Variants in CHMP3 observed in about 807,000 individuals in gnomAD.
The protein encoded by CHMP3 is 25.1 protein.
In CHMP3, 8 loss-of-function variants were observed where a neutral mutation model predicts 27.4. That is an observed-to-expected ratio of 0.29 (90% confidence interval 0.17 to 0.53). The LOEUF is 0.53. Ranked by LOEUF, CHMP3 falls within the 20% of genes least tolerant of loss-of-function variation. The pLI is 0.96. For missense variants in CHMP3, 208 were observed against 271.5 expected, an observed-to-expected ratio of 0.77 and a Z score of 1.64; for synonymous variants, 86 against 85.5, an observed-to-expected ratio of 1.01 and a Z score of -0.03.
rs190096882 is a variant in CHMP3, at chr2:86,549,566, C to T, written c.46-7254G>A. 7.2e-4 allele frequency among the ~76,000 whole-genome samples: 105 copies of T among 144,944 alleles called. 3 individuals carry two copies. In the East Asian group the frequency reaches 0.02, roughly 28 times the overall value. Reference sequence around the variant, plus strand: ...GCTCCTCACTTCCCAGATGGGGTTGCAGTCAGGCAGAGACGCCCCTCCCCT... The same window carrying T: ...GCTCCTCACTTCCCAGATGGGGTTGTAGTCAGGCAGAGACGCCCCTCCCCT... On this transcript the variant is annotated intron_variant, in intron 1 of 5. Transcript: ENST00000263856.
rs1480733374 is a variant in CHMP3, at chr2:86,542,212, C to G, written c.106+40G>C. On this transcript the variant is annotated intron_variant, in intron 2 of 5. Coordinates refer to ENST00000263856, the MANE Select transcript of CHMP3 (RefSeq NM_016079.4). ...TTTTATGAACTGAAGCAAAATATAC[C>G]AAGAGGGTGAAAAATAGAAGACATA... 6 of 1,602,496 alleles carry G rather than the reference C, an allele frequency of 3.7e-6. No homozygotes were observed. In the African/African-American group the frequency reaches 8.1e-5, roughly 22 times the overall value.
rs990384026 is a variant in CHMP3, at chr2:86,539,791, T to C, written c.106+2461A>G. The stretch of plus-strand genomic sequence containing the variant: ...AAAAAATAATTTATATTTACTTACA[T>C]ATTTACCATTTCCAGCATGCTTTAT... On this transcript the variant is annotated intron_variant, in intron 2 of 5. Coordinates refer to ENST00000263856, the MANE Select transcript of CHMP3 (RefSeq NM_016079.4). Among the ~76,000 whole-genome samples, 3 of 152,118 alleles carry C rather than the reference T, an allele frequency of 2.0e-5. No individual in the cohort carries two copies. The South Asian group carries it at 6.2e-4, about 31-fold the overall frequency.
At chr2:86,551,397 T>C (rs1315975365) in intron 1 of CHMP3, among the ~76,000 whole-genome samples, 4 of 151,854 alleles carry the variant, frequency 2.6e-5, no homozygotes, top group African/African-American at 7.3e-5. Context: ...GCTGGGACTA[T>C]AGATGCCTGC....
Position 86,537,197 on chromosome 2 carries a change from A to C in CHMP3, c.106+5055T>G, listed in dbSNP as rs191434478. Among the ~76,000 whole-genome samples, 539 of 152,158 alleles carry C rather than the reference A, an allele frequency of 3.5e-3. 4 individuals are homozygous for C. Among genetic ancestry groups the C allele is most frequent in the African/African-American group, 0.012 (514 of 41,518 alleles). Reference sequence around the variant, plus strand: ...TTTCTTTCTGTTCCTCAGACTTGATAATTTCAATTGCTCTATTTTGAAGTC... The same window carrying C: ...TTTCTTTCTGTTCCTCAGACTTGATCATTTCAATTGCTCTATTTTGAAGTC... On this transcript the variant is annotated intron_variant, in intron 2 of 5. Coordinates refer to ENST00000263856, the MANE Select transcript of CHMP3 (RefSeq NM_016079.4).
At chr2:86,540,201 A>T (rs763846817) in intron 2 of CHMP3, among the ~76,000 whole-genome samples, 8 of 151,944 alleles carry the variant, frequency 5.3e-5, no homozygotes, top group Non-Finnish European at 8.8e-5. Flanking sequence ...CAATTTGGAG[A>T]TGAGTTCCTT....
intron 1 of CHMP3, among the ~76,000 whole-genome samples, chr2:86,553,038 T>A (rs12714190): frequency 2.6e-5 from 3 of 117,324 alleles, no homozygotes; most frequent in Admixed American, 9.2e-5. Flanking sequence ...GGCAGCTTGA[T>A]GGGGGATGGT....
intron 2 of CHMP3, among the ~76,000 whole-genome samples, chr2:86,536,089 G>A (rs988875348): frequency 5.9e-5 from 8 of 135,434 alleles, no homozygotes; most frequent in East Asian, 2.3e-4. Flanking sequence ...TCCGCCTCCC[G>A]GGTTCACGCC....
At chr2:86,556,929 A>G (rs909213188) in intron 1 of CHMP3, among the ~76,000 whole-genome samples, 3 of 152,218 alleles carry the variant, frequency 2.0e-5, no homozygotes, top group Non-Finnish European at 2.9e-5. Flanking sequence ...TCCATGAAAC[A>G]AGTACCTGAC....
At chr2:86,515,299 A>G (rs1230141426) in intron 3 of CHMP3, 2 of 152,116 alleles carry the variant, frequency 1.3e-5, no homozygotes, top group Non-Finnish European at 2.9e-5. Flanking sequence ...TGTGCTGCCC[A>G]AGAGAACACT....
At chr2:86,523,446 A>C (rs1311043758) in intron 3 of CHMP3, among the ~76,000 whole-genome samples, 3 of 152,306 alleles carry the variant, frequency 2.0e-5, no homozygotes, top group East Asian at 3.9e-4. Context: ...TATTTCTTCA[A>C]TCATCTGCAA....
At chr2:86,540,491 G>A (rs1676320265) in intron 2 of CHMP3, among the ~76,000 whole-genome samples, 1 of 152,070 alleles carries the variant, frequency 6.6e-6, no homozygotes, top group Non-Finnish European at 1.5e-5. Flanking sequence ...CATCATACCA[G>A]TTGTGTATCC....
intron 1 of CHMP3, among the ~76,000 whole-genome samples, chr2:86,554,849 A>AT (rs70956122): frequency 9.3e-4 from 119 of 127,790 alleles, no homozygotes; most frequent in African/African-American, 2.3e-3. Context: ...GTGTGTGTAG[A>AT]TTTTTTTTTT....
chr2:86,562,073 T>G (rs1469197994), intron 1 of CHMP3: 1 of 152,198 alleles, frequency 6.6e-6, no homozygotes, highest in Non-Finnish European at 1.5e-5. Context: ...GCGCCACAAT[T>G]TTTATTTTAC....
At chr2:86,557,264 C>A (rs1677163643) in intron 1 of CHMP3, among the ~76,000 whole-genome samples, 1 of 152,176 alleles carries the variant, frequency 6.6e-6, no homozygotes, top group South Asian at 2.1e-4. Flanking sequence ...AAACAGAAAC[C>A]TAAGAATCAT....
chr2:86,563,278 T>C, intron 1 of CHMP3, 26 bp downstream of exon 1: 1 of 1,613,682 alleles, frequency 6.2e-7, no homozygotes. Context: ...ATCCACCCGC[T>C]TATCTGCCGC....
In CHMP3 at chr2:86,563,267, G is replaced by C. The variant is rs1444863827; in HGVS notation, c.45+37C>G. 8.7e-6 allele frequency: 14 copies of C among 1,612,840 alleles called. 1 individual carries two copies. Among genetic ancestry groups the C allele is most frequent in the Non-Finnish European group, 1.2e-5 (14 of 1,179,164 alleles). The stretch of plus-strand genomic sequence containing the variant: ...TACCAACTTCACTACGCCCCACACA[G>C]ATCCACCCGCTTATCTGCCGCCGCC... On this transcript the variant is annotated intron_variant, in intron 1 of 5. Transcript: ENST00000263856.
Position 86,563,397 on chromosome 2 carries a change from C to T in CHMP3, c.-49G>A. On this transcript the variant is annotated 5_prime_UTR_variant, in exon 1 of 6. Coordinates refer to ENST00000263856, the MANE Select transcript of CHMP3 (RefSeq NM_016079.4). Reference sequence around the variant, plus strand: ...CTTCCGGCTTTCAGTTCCCCGCGCCCAGGCAGGTCACGGGCAGCCGCCTGG... The same window carrying T: ...CTTCCGGCTTTCAGTTCCCCGCGCCTAGGCAGGTCACGGGCAGCCGCCTGG... 6.2e-7 allele frequency: 1 copy of T among 1,601,198 alleles called. No individual in the cohort carries two copies. The highest frequency in any genetic ancestry group is 1.4e-5 in the African/African-American group (1 of 70,444).
At chr2:86,542,137 T>C in intron 2 of CHMP3, 115 bp downstream of exon 2, 1 of 1,087,320 alleles carries the variant, frequency 9.2e-7, no homozygotes, top group Admixed American at 2.7e-5. Context: ...CAGCTATAAA[T>C]AACTGATATA....
intron 1 of CHMP3, among the ~76,000 whole-genome samples, chr2:86,554,843 G>GTGTGTGTGTT (rs1177273780): frequency 3.6e-5 from 5 of 138,668 alleles, no homozygotes; most frequent in African/African-American, 1.3e-4. Flanking sequence ...GTGTGTGTGT[G>GTGTGTGTGTT]TGTAGATTTT....
Sources: gnomAD v4.1 joint callset for allele counts (sites outside exome capture counted in the v4.1 genomes callset) on GRCh38, gnomAD v4.1.1 for gene constraint, MANE v1.5 for transcripts, NCBI Gene and HGNC (gene_info 2026-07-23, HGNC 2026-07-21) for gene names.